MTUS2: variants seen among roughly 807,000 people sequenced by gnomAD.
The protein encoded by MTUS2 is microtubule-associated tumor suppressor candidate 2.
In MTUS2, 40 loss-of-function variants were observed where a neutral mutation model predicts 114.1. The observed-to-expected ratio is 0.35, with a 90% CI of 0.27 to 0.46. MTUS2 has a LOEUF of 0.46. Ranked by LOEUF, MTUS2 falls within the 20% of genes least tolerant of loss-of-function variation. The pLI is 1.00. For synonymous variants in MTUS2, 688 were observed against 672.0 expected, an observed-to-expected ratio of 1.02 and a Z score of -0.37; for missense variants, 1,679 against 1,705.4, an observed-to-expected ratio of 0.98 and a Z score of 0.27.
chr13:29,033,128 A>G (rs1223364376), intron 3 of MTUS2, among the ~76,000 whole-genome samples: 2 of 152,208 alleles, frequency 1.3e-5, no homozygotes, highest in African/African-American at 2.4e-5. Context: ...TGATTCTTCA[A>G]TAAATATTTA....
chr13:29,067,526 C>T (rs753786849), intron 4 of MTUS2, among the ~76,000 whole-genome samples: 3 of 152,132 alleles, frequency 2.0e-5, no homozygotes, highest in Non-Finnish European at 4.4e-5. Flanking sequence ...TTTAGTAAAA[C>T]GTGGGAGTGG....
chr13:29,030,529 C>T (rs1886767776), intron 3 of MTUS2, among the ~76,000 whole-genome samples: 1 of 152,150 alleles, frequency 6.6e-6, no homozygotes, highest in Admixed American at 6.5e-5. Context: ...TCCTTGGCCA[C>T]CTGCTACAGC....
chr13:29,105,568 C>G (rs1253998816), intron 5 of MTUS2, among the ~76,000 whole-genome samples: 1 of 151,806 alleles, frequency 6.6e-6, no homozygotes, highest in Non-Finnish European at 1.5e-5. Context: ...CATGTTTTCT[C>G]CATGGGATAA....
intron 5 of MTUS2, among the ~76,000 whole-genome samples, chr13:29,178,136 C>T (rs1893851332): frequency 6.6e-6 from 1 of 152,246 alleles, no homozygotes; most frequent in Middle Eastern, 3.4e-3. Flanking sequence ...GTAGAATTTA[C>T]AGCGAACTAC....
At chr13:29,038,747 G>A (rs939089697) in intron 4 of MTUS2, among the ~76,000 whole-genome samples, 2 of 152,264 alleles carry the variant, frequency 1.3e-5, no homozygotes, top group African/African-American at 4.8e-5. Context: ...TGCCCAGACG[G>A]GAGGAATCTA....
At chr13:29,500,067 C>G (rs1183420404) in intron 14 of MTUS2, among the ~76,000 whole-genome samples, 1 of 152,072 alleles carries the variant, frequency 6.6e-6, no homozygotes, top group Non-Finnish European at 1.5e-5. Flanking sequence ...CATCTTCCCC[C>G]TCCTGGCTTG....
At chr13:29,318,300 A>G (rs1050894553) in intron 6 of MTUS2, among the ~76,000 whole-genome samples, 55 of 151,710 alleles carry the variant, frequency 3.6e-4, no homozygotes, top group African/African-American at 1.3e-3. Flanking sequence ...TATTAAAAAA[A>G]GTATATAGCA....
chr13:29,027,456 A>G (rs1321444911), intron 3 of MTUS2, among the ~76,000 whole-genome samples: 1 of 152,360 alleles, frequency 6.6e-6, no homozygotes, highest in East Asian at 1.9e-4. Flanking sequence ...CTGGGCCCAT[A>G]TAATACAGCG....
rs151097473 is a variant in MTUS2 at position 28,826,891 on chromosome 13, A to G, written c.-316+6280A>G. On this transcript the variant is annotated intron_variant, in intron 1 of 15. Coordinates refer to ENST00000612955, the MANE Select transcript of MTUS2 (RefSeq NM_001033602.4). Reference sequence around the variant, plus strand: ...CATCAGATTGCTACTGCAGAGTACTAGTCTAAAAATTTAATATGAACACTA... The same window carrying G: ...CATCAGATTGCTACTGCAGAGTACTGGTCTAAAAATTTAATATGAACACTA... 3.9e-3 allele frequency among the ~76,000 whole-genome samples: 591 copies of G among 152,342 alleles called. 2 individuals carry two copies. Among genetic ancestry groups the G allele is most frequent in the Non-Finnish European group, 6.8e-3 (464 of 68,020 alleles).
intron 2 of MTUS2, among the ~76,000 whole-genome samples, chr13:28,987,967 C>T (rs890805598): frequency 6.6e-6 from 1 of 152,310 alleles, no homozygotes; most frequent in East Asian, 1.9e-4. Context: ...TTACTCTCTG[C>T]CTTGGCTGTG....
chr13:29,403,193 C>T (rs146013936), intron 8 of MTUS2, among the ~76,000 whole-genome samples: 82 of 152,306 alleles, frequency 5.4e-4, no homozygotes, highest in African/African-American at 1.8e-3. Flanking sequence ...GCCCTGTGCA[C>T]ACAGACTTGT....
chr13:29,351,723 C>T (rs1869298869), intron 7 of MTUS2, among the ~76,000 whole-genome samples: 1 of 152,018 alleles, frequency 6.6e-6, no homozygotes, highest in Non-Finnish European at 1.5e-5. Context: ...CCACCTCAGC[C>T]TTCCAAGCAG....
intron 7 of MTUS2, among the ~76,000 whole-genome samples, chr13:29,342,283 G>A (rs1901441458): frequency 6.6e-6 from 1 of 152,116 alleles, no homozygotes; most frequent in African/African-American, 2.4e-5. Context: ...CCATCCATGA[G>A]CATGGCATGG....
chr13:29,054,542 G>A (rs11620188), intron 4 of MTUS2, among the ~76,000 whole-genome samples: 46,230 of 151,848 alleles, frequency 0.3, 7,668 homozygotes, highest in East Asian at 0.63. Context: ...TGTGTTATGG[G>A]TACAGAACGT....
chr13:29,304,114 C>T (rs1262040944), intron 6 of MTUS2, among the ~76,000 whole-genome samples: 1 of 152,084 alleles, frequency 6.6e-6, no homozygotes, highest in African/African-American at 2.4e-5. Context: ...ACCAGGCCTG[C>T]CTTGCAAGAG....
At chr13:28,917,771 C>T (rs1880828974) in intron 2 of MTUS2, among the ~76,000 whole-genome samples, 1 of 151,628 alleles carries the variant, frequency 6.6e-6, no homozygotes, top group Non-Finnish European at 1.5e-5. Context: ...TTGGGTTTGG[C>T]TTGCTCTTGC....
At chr13:29,356,612 A>C (rs1869763880) in intron 7 of MTUS2, among the ~76,000 whole-genome samples, 1 of 152,210 alleles carries the variant, frequency 6.6e-6, no homozygotes, top group Non-Finnish European at 1.5e-5. Context: ...CAGCTATAGA[A>C]GTAGTAACAA....
At chr13:29,249,324 C>T (rs773885715) in intron 5 of MTUS2, among the ~76,000 whole-genome samples, 17 of 152,156 alleles carry the variant, frequency 1.1e-4, no homozygotes, top group Non-Finnish European at 2.2e-4. Flanking sequence ...GGTATATACC[C>T]AGTAATGGGA....
chr13:29,065,545 C>T (rs1476641257), intron 4 of MTUS2, among the ~76,000 whole-genome samples: 4 of 152,168 alleles, frequency 2.6e-5, no homozygotes, highest in East Asian at 3.9e-4. Flanking sequence ...TTGTCAGAGG[C>T]ATAGTTTTCA....
Sources: gnomAD v4.1 joint callset for allele counts (sites outside exome capture counted in the v4.1 genomes callset) on GRCh38, gnomAD v4.1.1 for gene constraint, MANE v1.5 for transcripts, NCBI Gene and HGNC (gene_info 2026-07-23, HGNC 2026-07-21) for gene names.